Variants in RAB4A observed in about 807,000 individuals in gnomAD.
The protein encoded by RAB4A is RAB4A, member RAS oncogene family.
Under a neutral mutation model 34.5 loss-of-function variants are expected in RAB4A, and 20 were observed. The ratio of observed to expected loss-of-function variants is 0.58; its 90% confidence interval spans 0.41 to 0.84. RAB4A has a LOEUF of 0.84. Among genes scored for constraint, RAB4A ranks in the 40% least tolerant of loss-of-function variants. The pLI is 0.00. For missense variants in RAB4A, 228 were observed against 274.5 expected, an observed-to-expected ratio of 0.83 and a Z score of 1.20; for synonymous variants, 102 against 100.0, an observed-to-expected ratio of 1.02 and a Z score of -0.12.
intron 1 of RAB4A, among the ~76,000 whole-genome samples, chr1:229,282,578 T>A (rs1656804619): frequency 6.6e-6 from 1 of 152,224 alleles, no homozygotes; most frequent in African/African-American, 2.4e-5. Flanking sequence ...GAATGTTAGA[T>A]CTTTTTCATT....
At chr1:229,287,253 T>C (rs1344685061) in intron 2 of RAB4A, among the ~76,000 whole-genome samples, 1 of 152,166 alleles carries the variant, frequency 6.6e-6, no homozygotes, top group East Asian at 1.9e-4. Flanking sequence ...TGAGGCATGG[T>C]AGGTGGTGGG....
intron 2 of RAB4A, among the ~76,000 whole-genome samples, chr1:229,287,062 A>C (rs932663024): frequency 6.6e-6 from 1 of 152,196 alleles, no homozygotes; most frequent in African/African-American, 2.4e-5. Context: ...TTTTTATTTC[A>C]AACTATGTGA....
chr1:229,302,296 TATATATATA>T (rs1657424165), intron 6 of RAB4A, among the ~76,000 whole-genome samples: 1 of 29,546 alleles, frequency 3.4e-5, no homozygotes, highest in Non-Finnish European at 6.3e-5. Context: ...TATATATATA[TATATATATA>T]TATATTTTTT....
intron 1 of RAB4A, among the ~76,000 whole-genome samples, chr1:229,274,049 CTTTTTT>C (rs11339660): frequency 1.2e-5 from 1 of 86,846 alleles, no homozygotes. Flanking sequence ...TTTTGTTTCC[CTTTTTT>C]TTTTTTTTTT....
chr1:229,274,237 A>AT (rs1209958669), intron 1 of RAB4A, among the ~76,000 whole-genome samples: 245 of 140,854 alleles, frequency 1.7e-3, no homozygotes, highest in Non-Finnish European at 3.2e-3. Context: ...TTTTTTTTTA[A>AT]TTTTTTTTGT....
At chr1:229,297,672 C>T (rs766959494) in intron 5 of RAB4A, 36 bp downstream of exon 5, 11 of 1,518,938 alleles carry the variant, frequency 7.2e-6, no homozygotes, top group Middle Eastern at 1.7e-4. Context: ...TTTTTCAAAT[C>T]GCATATTTGA....
chr1:229,286,595 C>G lies in RAB4A; in HGVS notation c.112+29C>G, dbSNP rs200575721. On this transcript the variant is annotated intron_variant, in intron 2 of 7. Transcript: ENST00000366690. ...AGTGTCATGAAATTAGTCATTCTTC[C>G]GTGCATGTCTTCTGAGAGCCCTCTC... is the stretch of plus-strand genomic sequence containing the variant. The G allele has an allele frequency of 1.6e-5, 22 of 1,369,528 alleles. No homozygotes were observed. In the South Asian group the frequency reaches 2.7e-4, roughly 17 times the overall value. 84.8% of individuals were successfully genotyped at this position (1,369,528 alleles called of 1,614,324 possible). A position where few individuals can be genotyped will look rare whatever the true frequency, so the allele number is the denominator to read the frequency against.
At position 229,305,357 on chromosome 1, in the gene RAB4A, T is replaced by C. The variant is rs1226546512; in HGVS notation, c.*1564T>C. The C allele has an allele frequency of 9.3e-6, 13 of 1,395,518 alleles. No homozygotes were observed. Among genetic ancestry groups the C allele is most frequent in the Non-Finnish European group, 1.3e-5 (13 of 1,038,528 alleles). The allele number at this position is 1,395,518 out of a possible 1,614,324, so 86.4% of individuals were successfully genotyped here. A position where few individuals can be genotyped will look rare whatever the true frequency, so the allele number is the denominator to read the frequency against. On this transcript the variant is annotated 3_prime_UTR_variant, in exon 8 of 8. Coordinates refer to ENST00000366690, the MANE Select transcript of RAB4A (RefSeq NM_004578.4). ...TTTTTGCATGGGATAGGAGCATGTCTATTCTAACACATCAGCTTATTCAAA... is the reference window on the plus strand; with the variant it reads ...TTTTTGCATGGGATAGGAGCATGTCCATTCTAACACATCAGCTTATTCAAA...
chr1:229,303,048 T>A, intron 7 of RAB4A, 59 bp downstream of exon 7: 1 of 1,244,770 alleles, frequency 8.0e-7, no homozygotes, highest in Non-Finnish European at 1.2e-6. Context: ...AGAGGCCTGT[T>A]AAAGCTTTGG....
chr1:229,289,673 G>A (rs547784037), intron 3 of RAB4A, among the ~76,000 whole-genome samples: 41 of 152,186 alleles, frequency 2.7e-4, no homozygotes, highest in Middle Eastern at 3.4e-3. Flanking sequence ...AAAATTAGCC[G>A]GGCGTGGTGG....
At chr1:229,295,126 AT>A (rs984307060) in intron 3 of RAB4A, among the ~76,000 whole-genome samples, 1 of 151,772 alleles carries the variant, frequency 6.6e-6, no homozygotes, top group African/African-American at 2.4e-5. Context: ...TACCTGGCTA[AT>A]TTTTTGTAGA....
rs546402968 is a variant in RAB4A at position 229,302,459 on chromosome 1, A to G, written c.542-403A>G. 1.3e-4 allele frequency among the ~76,000 whole-genome samples: 19 copies of G among 150,268 alleles called. No individual in the cohort carries two copies. In the East Asian group the frequency reaches 2.9e-3, roughly 23 times the overall value. ...GTGATGGGCTTATTTCACTAAAGCC[A>G]TGTCCACAGCATGTAGTATCATCAT... On this transcript the variant is annotated intron_variant, in intron 6 of 7. Transcript: ENST00000366690.
intron 6 of RAB4A, among the ~76,000 whole-genome samples, chr1:229,299,275 G>A (rs149715309): frequency 1.3e-5 from 2 of 152,310 alleles, no homozygotes; most frequent in Non-Finnish European, 2.9e-5. Flanking sequence ...GGTTTCCATG[G>A]TGATGAAAGT....
chr1:229,287,181 G>T (rs1275553569), intron 2 of RAB4A, among the ~76,000 whole-genome samples: 1 of 152,200 alleles, frequency 6.6e-6, no homozygotes, highest in Non-Finnish European at 1.5e-5. Context: ...TTAGTGGCAG[G>T]TGGGTGAAGG....
chr1:229,283,537 T>C (rs560756836), intron 1 of RAB4A, among the ~76,000 whole-genome samples: 2 of 152,252 alleles, frequency 1.3e-5, no homozygotes, highest in Non-Finnish European at 2.9e-5. Flanking sequence ...GAGAGCAGGC[T>C]TTTGCTAGGA....
Position 229,297,643 on chromosome 1 carries a change from G to C in RAB4A, c.445+7G>C. On this transcript the variant is annotated splice_region_variant and intron_variant, in intron 5 of 7. Coordinates refer to ENST00000366690, the MANE Select transcript of RAB4A (RefSeq NM_004578.4). The stretch of plus-strand genomic sequence containing the variant: ...AGATTTGCTCAAGAAAATGGCAAGT[G>C]ACCTTTTACTTCTTACTATTTTTCA... 1 of 1,569,308 alleles carries C rather than the reference G, an allele frequency of 6.4e-7. No homozygotes were observed. The highest frequency in any genetic ancestry group is 8.6e-7 in the Non-Finnish European group (1 of 1,162,368).
chr1:229,291,951 GTAAACTATC>G (rs1388135875), intron 3 of RAB4A, among the ~76,000 whole-genome samples: 4 of 151,582 alleles, frequency 2.6e-5, no homozygotes, highest in Non-Finnish European at 5.9e-5. Context: ...ATCATTCTCA[GTAAACTATC>G]GCAAGAACAA....
intron 6 of RAB4A, among the ~76,000 whole-genome samples, chr1:229,299,509 A>G (rs1168334582): frequency 1.3e-5 from 2 of 152,204 alleles, no homozygotes; most frequent in Non-Finnish European, 2.9e-5. Context: ...TCATGGAACT[A>G]TGGAGTCCAG....
chr1:229,277,866 C>T (rs1049254521), intron 1 of RAB4A, among the ~76,000 whole-genome samples: 1 of 151,290 alleles, frequency 6.6e-6, no homozygotes, highest in East Asian at 1.9e-4. Context: ...CATCTCCTCC[C>T]TTTCTTCTTT....
Sources: gnomAD v4.1 joint callset for allele counts (sites outside exome capture counted in the v4.1 genomes callset) on GRCh38, gnomAD v4.1.1 for gene constraint, MANE v1.5 for transcripts, NCBI Gene and HGNC (gene_info 2026-07-23, HGNC 2026-07-21) for gene names.